PCSK5: variants seen among roughly 807,000 people sequenced by gnomAD.
PCSK5 encodes the protein prohormone convertase 5.
In PCSK5, 129 loss-of-function variants were observed where a neutral mutation model predicts 233.2. The ratio of observed to expected loss-of-function variants is 0.55; its 90% CI spans 0.48 to 0.64. PCSK5 has a LOEUF of 0.64. Ranked by LOEUF, PCSK5 falls within the 30% of genes least tolerant of loss-of-function variation. The pLI is 0.00. For synonymous variants in PCSK5, 825 were observed against 879.2 expected (o/e 0.94, Z 1.09); for missense variants, 2,076 against 2,430.1 (o/e 0.85, Z 3.06).
At chr9:76,036,199 TTTAG>T (rs1828854151) in intron 5 of PCSK5, among the ~76,000 whole-genome samples, 1 of 152,188 alleles carries the variant, frequency 6.6e-6, no homozygotes, top group Admixed American at 6.5e-5. Context: ...ATTCTAGCAA[TTTAG>T]TTAATTACAA....
chr9:76,066,697 A>AT (rs1445067574), intron 5 of PCSK5, among the ~76,000 whole-genome samples: 2 of 152,194 alleles, frequency 1.3e-5, no homozygotes, highest in Admixed American at 1.3e-4. Flanking sequence ...TATACATAAT[A>AT]TTACTAAGTG....
intron 9 of PCSK5, among the ~76,000 whole-genome samples, chr9:76,112,277 T>TG (rs1832249914): frequency 6.6e-6 from 1 of 152,310 alleles, no homozygotes; most frequent in Admixed American, 6.5e-5. Flanking sequence ...AAAAGGGTAT[T>TG]GGTATAAAGA....
chr9:75,956,663 T>C, intron 2 of PCSK5, among the ~76,000 whole-genome samples: 1 of 152,064 alleles, frequency 6.6e-6, no homozygotes, highest in East Asian at 1.9e-4. Context: ...TACATAGAAA[T>C]ACTGGAATGC....
At chr9:76,337,207 C>T (rs747344093) in intron 34 of PCSK5, among the ~76,000 whole-genome samples, 1 of 131,088 alleles carries the variant, frequency 7.6e-6, no homozygotes, top group Non-Finnish European at 1.7e-5. Flanking sequence ...GACAGTCTCA[C>T]TCTGTCACCC....
At chr9:75,955,087 A>C (rs1174731548) in intron 2 of PCSK5, among the ~76,000 whole-genome samples, 2 of 152,164 alleles carry the variant, frequency 1.3e-5, no homozygotes, top group Non-Finnish European at 2.9e-5. Context: ...TTTGTCAAGC[A>C]CCTAGTATGT....
chr9:75,890,999 C>A lies in PCSK5; in HGVS notation c.-183C>A. ...GCAGCCCCAGGGATGGTCTAGGAGC[C>A]GGCGTAAGGCTCGCTGCTCTGCTCC... On this transcript the variant is annotated 5_prime_UTR_variant, in exon 1 of 38. Coordinates refer to ENST00000674117, the MANE Select transcript of PCSK5 (RefSeq NM_001372043.1). 2.1e-6 allele frequency: 1 copy of A among 476,748 alleles called. No individual in the cohort carries two copies. Among genetic ancestry groups the A allele is most frequent in the Non-Finnish European group, 3.5e-6 (1 of 281,810 alleles). 29.5% of individuals were successfully genotyped at this position (476,748 alleles called of 1,614,324 possible). A position where few individuals can be genotyped will look rare whatever the true frequency, so the allele number is the denominator to read the frequency against.
chr9:75,895,197 C>G (rs997759209), intron 1 of PCSK5, among the ~76,000 whole-genome samples: 7 of 152,170 alleles, frequency 4.6e-5, no homozygotes, highest in Non-Finnish European at 8.8e-5. Context: ...CTGGAGAGGC[C>G]ACTTTCGAGG....
chr9:76,320,938 C>T (rs1025675380), intron 30 of PCSK5, among the ~76,000 whole-genome samples: 6 of 151,990 alleles, frequency 3.9e-5, no homozygotes, highest in Non-Finnish European at 8.8e-5. Flanking sequence ...TCTCAGCCTC[C>T]CGAGTAGCTG....
At chr9:76,215,661 C>A (rs538787516) in intron 20 of PCSK5, among the ~76,000 whole-genome samples, 6 of 152,220 alleles carry the variant, frequency 3.9e-5, no homozygotes, top group Admixed American at 1.3e-4. Flanking sequence ...GTGGCTCATG[C>A]CTGTAATCCC....
chr9:76,261,209 G>T (rs1827163314), intron 24 of PCSK5, among the ~76,000 whole-genome samples: 1 of 152,212 alleles, frequency 6.6e-6, no homozygotes, highest in Admixed American at 6.5e-5. Flanking sequence ...GACCCATGTA[G>T]TAGTTTGGCT....
intron 1 of PCSK5, among the ~76,000 whole-genome samples, chr9:75,905,061 T>C (rs771349637): frequency 6.6e-6 from 1 of 152,208 alleles, no homozygotes; most frequent in Non-Finnish European, 1.5e-5. Flanking sequence ...GGCCACATTA[T>C]TGTATCATTC....
intron 3 of PCSK5, among the ~76,000 whole-genome samples, chr9:76,019,250 A>C (rs1184428245): frequency 8.1e-6 from 1 of 122,864 alleles, no homozygotes; most frequent in Non-Finnish European, 1.7e-5. Flanking sequence ...TCACTTAAGG[A>C]ATATCAATTC....
chr9:76,106,703 G>T (rs1831992663), intron 8 of PCSK5, among the ~76,000 whole-genome samples: 1 of 152,162 alleles, frequency 6.6e-6, no homozygotes, highest in African/African-American at 2.4e-5. Flanking sequence ...CATTTCTATT[G>T]ATTCTAGAAA....
chr9:76,130,287 C>T (rs778790269), intron 9 of PCSK5, among the ~76,000 whole-genome samples: 16 of 152,110 alleles, frequency 1.1e-4, no homozygotes, highest in Admixed American at 9.2e-4. Flanking sequence ...ACCATGAGGA[C>T]GCGACGTGCC....
At chr9:76,011,497 T>C (rs1395205137) in intron 3 of PCSK5, among the ~76,000 whole-genome samples, 1 of 152,224 alleles carries the variant, frequency 6.6e-6, no homozygotes, top group African/African-American at 2.4e-5. Context: ...AAAGTGGTCT[T>C]TTTAGTAGCT....
intron 2 of PCSK5, among the ~76,000 whole-genome samples, chr9:75,934,997 G>T (rs946541042): frequency 2.0e-5 from 3 of 152,254 alleles, no homozygotes; most frequent in Admixed American, 1.3e-4. Context: ...TTCCCCAAAT[G>T]TTAATGTTTT....
chr9:76,232,237 G>C (rs1424306249), intron 21 of PCSK5, among the ~76,000 whole-genome samples: 1 of 152,186 alleles, frequency 6.6e-6, no homozygotes, highest in Admixed American at 6.5e-5. Context: ...AAGTGGAGAG[G>C]AGTAGTAGAG....
At chr9:76,032,886 A>G (rs1828707024) in intron 5 of PCSK5, among the ~76,000 whole-genome samples, 1 of 152,222 alleles carries the variant, frequency 6.6e-6, no homozygotes, top group Non-Finnish European at 1.5e-5. Flanking sequence ...CCACAGCATT[A>G]TATTTTGAAC....
At chr9:76,330,332 C>G (rs1829489667) in intron 33 of PCSK5, among the ~76,000 whole-genome samples, 1 of 152,090 alleles carries the variant, frequency 6.6e-6, no homozygotes, top group Non-Finnish European at 1.5e-5. Context: ...TGAAACAAAA[C>G]TTAACTAAAA....
Sources: allele counts gnomAD v4.1 joint callset (sites outside exome capture counted in the v4.1 genomes callset), GRCh38; gene constraint gnomAD v4.1.1; transcripts MANE v1.5; gene names NCBI Gene and HGNC (gene_info 2026-07-23, HGNC 2026-07-21).